The following KIF26B variants were observed in gnomAD, a reference collection of about 807,000 sequenced individuals.
The protein encoded by KIF26B is kinesin-like protein KIF26B.
Under a neutral mutation model 151.2 loss-of-function variants are expected in KIF26B, and 63 were observed. The ratio of observed to expected loss-of-function variants is 0.42; its 90% CI spans 0.34 to 0.51. KIF26B has a LOEUF of 0.51. KIF26B is among the 20% of genes least tolerant of loss of function. The probability of loss-of-function intolerance (pLI) is 0.07; values close to 1 mark genes in which losing one functional copy is unlikely to be tolerated. For missense variants in KIF26B, 2,813 were observed against 2,913.6 expected, an observed-to-expected ratio of 0.97 and a Z score of 0.79; for synonymous variants, 1,357 against 1,262.1, an observed-to-expected ratio of 1.08 and a Z score of -1.59.
At chr1:245,381,409 A>G (rs565364224) in intron 3 of KIF26B, among the ~76,000 whole-genome samples, 2 of 152,362 alleles carry the variant, frequency 1.3e-5, no homozygotes, top group South Asian at 2.1e-4. Context: ...CCTGCAGTCT[A>G]CATGAGGCCC....
chr1:245,221,985 C>T (rs1466832986), intron 2 of KIF26B, among the ~76,000 whole-genome samples: 1 of 152,196 alleles, frequency 6.6e-6, no homozygotes, highest in East Asian at 1.9e-4. Context: ...CAGAAAGTGG[C>T]ACTTGGCAGA....
At chr1:245,678,957 T>C (rs1053661616) in intron 10 of KIF26B, among the ~76,000 whole-genome samples, 2 of 152,146 alleles carry the variant, frequency 1.3e-5, no homozygotes, top group African/African-American at 4.8e-5. Context: ...CTACAGTTCA[T>C]GTGCCTGTTT....
intron 4 of KIF26B, among the ~76,000 whole-genome samples, chr1:245,451,248 C>CT (rs1480070305): frequency 1.3e-5 from 2 of 151,982 alleles, no homozygotes; most frequent in Non-Finnish European, 2.9e-5. Context: ...CTGTTCAGTA[C>CT]TTTAATTGTA....
intron 10 of KIF26B, among the ~76,000 whole-genome samples, chr1:245,662,713 CAT>C (rs1195373382): frequency 7.4e-5 from 3 of 40,718 alleles, no homozygotes; most frequent in Non-Finnish European, 1.2e-4. Context: ...CCCAATGATA[CAT>C]ATACACACAC....
chr1:245,621,247 C>T (rs756460812), intron 9 of KIF26B, among the ~76,000 whole-genome samples: 7 of 152,174 alleles, frequency 4.6e-5, no homozygotes, highest in Non-Finnish European at 7.3e-5. Context: ...TGCATGCTTT[C>T]TGGTTAGCTT....
At chr1:245,677,616 A>G (rs1274261042) in intron 10 of KIF26B, among the ~76,000 whole-genome samples, 1 of 152,264 alleles carries the variant, frequency 6.6e-6, no homozygotes, top group African/African-American at 2.4e-5. Context: ...CTAAGGCATT[A>G]GCATCCTTGA....
At position 245,685,848 on chromosome 1, in the gene KIF26B, G is replaced by A. The variant is rs755162410; in HGVS notation, c.2865G>A (p.Gly955=). ...TCGAAGAACTGCCTGCTCAGTTTGG[G>A]CCAGAGCAGGCAAGCAGAGGCCCCC... ...FPFEELPAQF[G]PEQASRGPRL... is the part of the protein sequence containing the mutation. The change falls in exon 12 of 15, where the codon GGG becomes GGA. Residue 955 remains glycine, a synonymous_variant. Coordinates refer to ENST00000407071, the MANE Select transcript of KIF26B (RefSeq NM_018012.4). 1.1e-5 allele frequency: 17 copies of A among 1,612,536 alleles called. No homozygotes were observed. In the South Asian group the frequency reaches 1.5e-4, roughly 15 times the overall value.
In KIF26B at chr1:245,540,750, T is replaced by G. The variant is rs1269962420; in HGVS notation, c.1167-17T>G. 1.2e-6 allele frequency: 2 copies of G among 1,609,584 alleles called. No individual in the cohort carries two copies. Among genetic ancestry groups the G allele is most frequent in the Non-Finnish European group, 8.5e-7 (1 of 1,175,920 alleles). ...CGTACAATCATTTTCCCCTTATTGT[T>G]CCTTTTTCCACTCCAGAGCTGCCCA... On this transcript the variant is annotated splice_polypyrimidine_tract_variant and intron_variant, in intron 4 of 14. Coordinates refer to ENST00000407071, the MANE Select transcript of KIF26B (RefSeq NM_018012.4). This position sits in a 1 kb window ranked among gnomAD's most constrained non-coding sequence, Gnocchi z 4.6.
intron 2 of KIF26B, among the ~76,000 whole-genome samples, chr1:245,283,587 T>G (rs1671104315): frequency 6.6e-6 from 1 of 152,182 alleles, no homozygotes; most frequent in South Asian, 2.1e-4. Flanking sequence ...TTGTTTACTT[T>G]TATTGTAAAA....
Position 245,324,190 on chromosome 1 carries a change from G to A in KIF26B, c.466-42644G>A, listed in dbSNP as rs1160045923. On this transcript the variant is annotated intron_variant, in intron 2 of 14. Transcript: ENST00000407071. Reference sequence around the variant, plus strand: ...TGTGGGTGATTGGAGGTGGAGGTGGGGTGGGCTCTGCCATGCATGGTTGGA... The same window carrying A: ...TGTGGGTGATTGGAGGTGGAGGTGGAGTGGGCTCTGCCATGCATGGTTGGA... Among the ~76,000 whole-genome samples the A allele has an allele frequency of 6.6e-5, 10 of 151,108 alleles. 1 individual carries two copies. The highest frequency in any genetic ancestry group is 6.6e-4 in the Admixed American group (10 of 15,226).
At chr1:245,215,103 TTC>T (rs1669617883) in intron 2 of KIF26B, among the ~76,000 whole-genome samples, 1 of 152,076 alleles carries the variant, frequency 6.6e-6, no homozygotes, top group African/African-American at 2.4e-5. Context: ...TCTGGGAAGT[TTC>T]TCTTTCCCTT....
intron 2 of KIF26B, among the ~76,000 whole-genome samples, chr1:245,197,541 A>G (rs1210468510): frequency 6.6e-6 from 1 of 152,190 alleles, no homozygotes; most frequent in Non-Finnish European, 1.5e-5. Flanking sequence ...CTCATGGCTA[A>G]CGATGGGGCT....
intron 9 of KIF26B, among the ~76,000 whole-genome samples, chr1:245,642,063 C>T (rs2043897526): frequency 6.6e-6 from 1 of 152,202 alleles, no homozygotes; most frequent in Non-Finnish European, 1.5e-5. Flanking sequence ...GTGAGTCTCA[C>T]AATGGCTTTC....
At chr1:245,657,256 C>T (rs2044084862) in intron 10 of KIF26B, among the ~76,000 whole-genome samples, 2 of 152,164 alleles carry the variant, frequency 1.3e-5, no homozygotes, top group South Asian at 4.1e-4. Flanking sequence ...TAAAACACCG[C>T]GTTGGTGTCT....
chr1:245,638,307 T>G (rs913204799), intron 9 of KIF26B, among the ~76,000 whole-genome samples: 7 of 152,030 alleles, frequency 4.6e-5, no homozygotes, highest in Non-Finnish European at 8.9e-5. Context: ...ATAGAAATGT[T>G]ACACATTTTG....
At chr1:245,158,870 G>T (rs12567206) in intron 2 of KIF26B, among the ~76,000 whole-genome samples, 6,252 of 42,556 alleles carry the variant, frequency 0.15, 161 homozygotes, top group East Asian at 0.31. Context: ...GTGTGTGTGT[G>T]GTGTGTGTTT....
chr1:245,687,843 C>A lies in KIF26B; in HGVS notation c.4860C>A (p.Gly1620=). The change falls in exon 12 of 15, where the codon GGC becomes GGA. Residue 1620 remains glycine (G), a synonymous_variant. Transcript: ENST00000407071. The surrounding 1 kb of genome is among the most constrained non-coding windows in gnomAD (Gnocchi z 4.9). The stretch of plus-strand genomic sequence containing the variant: ...CCAGCCCTCAGCACAGTGCCAGCGG[C>A]AGCGGCACCAGCAGCCCCCTGAACC... ...NRASPQHSAS[G]SGTSSPLNQP... is the part of the protein sequence containing the mutation. 6.3e-7 allele frequency: 1 copy of A among 1,593,390 alleles called. No individual in the cohort carries two copies. The highest frequency in any genetic ancestry group is 8.5e-7 in the Non-Finnish European group (1 of 1,171,032).
intron 3 of KIF26B, among the ~76,000 whole-genome samples, chr1:245,402,219 A>G (rs1674019990): frequency 6.6e-6 from 1 of 152,228 alleles, no homozygotes; most frequent in Admixed American, 6.5e-5. Context: ...CACTTACTGT[A>G]TTTCAGCTGG....
intron 3 of KIF26B, among the ~76,000 whole-genome samples, chr1:245,391,007 C>T (rs1431716418): frequency 2.1e-5 from 3 of 142,468 alleles, no homozygotes; most frequent in Non-Finnish European, 4.5e-5. Flanking sequence ...AAACTTGATT[C>T]TACTACCATG....
Sources: gnomAD v4.1 joint callset for allele counts (sites outside exome capture counted in the v4.1 genomes callset) on GRCh38, gnomAD v4.1.1 for gene constraint, Gnocchi (gnomAD v3.1) non-coding constraint, MANE v1.5 for transcripts, NCBI Gene and HGNC (gene_info 2026-07-23, HGNC 2026-07-21) for gene names.